PLCXD1: variants seen among roughly 807,000 people sequenced by gnomAD.
PLCXD1 encodes phosphatidylinositol specific phospholipase C X domain containing 1.
Under a neutral mutation model 37.8 loss-of-function variants are expected in PLCXD1, and 45 were observed. That is an observed-to-expected ratio of 1.19 (90% CI 0.94 to 1.53). The LOEUF (loss-of-function observed/expected upper bound fraction) is 1.53, where lower values mean the gene tolerates loss of function less well. PLCXD1 is among the 40% of genes most tolerant of loss of function. PLCXD1 has a pLI of 0.00. For synonymous variants in PLCXD1, 246 were observed against 206.9 expected (o/e 1.19, Z -1.62); for missense variants, 539 against 454.7 (o/e 1.19, Z -1.69).
At chrX:288,972 T>C (rs2069544046) in intron 3 of PLCXD1, 103 bp downstream of exon 3, 2 of 1,156,024 alleles carry the variant, frequency 1.7e-6, no homozygotes, top group South Asian at 2.6e-5. Flanking sequence ...GTTTGAGTGG[T>C]GCCCTGTGGG....
chrX:287,189 ATG>A (rs2069471919), intron 2 of PLCXD1, among the ~76,000 whole-genome samples: 1 of 150,066 alleles, frequency 6.7e-6, no homozygotes, highest in African/African-American at 2.4e-5. Context: ...ACACATTTAT[ATG>A]TAAGTGTACA....
intron 6 of PLCXD1, among the ~76,000 whole-genome samples, chrX:293,903 G>A (rs2069718179): frequency 1.3e-5 from 2 of 152,170 alleles, no homozygotes; most frequent in African/African-American, 4.8e-5. Flanking sequence ...CATGGAAACA[G>A]GGTCTCTCCT....
chrX:279,431 G>C (rs2069216030), upstream of PLCXD1, among the ~76,000 whole-genome samples: 1 of 152,176 alleles, frequency 6.6e-6, no homozygotes, highest in African/African-American at 2.4e-5. Context: ...CGGGCTTCCA[G>C]GTCATAAGGT....
chrX:291,671 T>TA lies in PLCXD1; in HGVS notation c.549+18dup. On this transcript the variant is annotated intron_variant, in intron 5 of 6. Transcript: ENST00000381657. ...CCTCGTGGGGTGAGGAGGGGAAGGA[T>TA]ATCCGCACGTCTCTCCCGGGGCAGG... 6.2e-7 allele frequency: 1 copy of TA among 1,611,368 alleles called. No individual in the cohort carries two copies. Among genetic ancestry groups the TA allele is most frequent in the Non-Finnish European group, 8.5e-7 (1 of 1,179,068 alleles).
In PLCXD1 at chrX:290,224, G is replaced by A. The variant is rs1025960404; in HGVS notation, c.265-424G>A. Among the ~76,000 whole-genome samples the A allele has an allele frequency of 7.2e-5, 11 of 152,138 alleles. 1 individual carries two copies. Among genetic ancestry groups the A allele is most frequent in the South Asian group, 4.2e-4 (2 of 4,814 alleles). On this transcript the variant is annotated intron_variant, in intron 3 of 6. Coordinates refer to ENST00000381657, the MANE Select transcript of PLCXD1 (RefSeq NM_018390.4). ...GGGTGGATCACGAGGTCAGGAGATC[G>A]AGACCGTCCTGGCTAACATGTTGAA... is the stretch of plus-strand genomic sequence containing the variant.
intron 2 of PLCXD1, among the ~76,000 whole-genome samples, chrX:285,353 CAT>C (rs1356891317): frequency 6.6e-6 from 1 of 150,634 alleles, no homozygotes; most frequent in African/African-American, 2.5e-5. Context: ...CACGTGTACA[CAT>C]GTACACACAT....
rs1239199209 is a variant in PLCXD1 at position 300,364 on chromosome X, ATATATATGTGTGTG to A, written c.*1043_*1056del. The A allele has an allele frequency of 2.0e-5, 3 of 151,860 alleles. No individual in the cohort carries two copies. The highest frequency in any genetic ancestry group is 2.1e-4 in the South Asian group (1 of 4,822). The allele number at this position is 151,860 out of a possible 1,614,324, so 9.4% of individuals were successfully genotyped here. The stretch of plus-strand genomic sequence containing the variant: ...GCTAGTTCTCACACCAAGCCTATAG[ATATATATGTGTGTG>A]TATATATGTGTGTTTATGTGTCTGT... On this transcript the variant is annotated 3_prime_UTR_variant, in exon 7 of 7. Coordinates refer to ENST00000381657, the MANE Select transcript of PLCXD1 (RefSeq NM_018390.4).
At chrX:296,674 A>G (rs1303532641) in intron 6 of PLCXD1, among the ~76,000 whole-genome samples, 1 of 152,188 alleles carries the variant, frequency 6.6e-6, no homozygotes, top group African/African-American at 2.4e-5. Context: ...CCCTCTCTAT[A>G]AGCCTCATAA....
At chrX:287,818 C>A (rs1346706087) in intron 2 of PLCXD1, among the ~76,000 whole-genome samples, 1 of 151,380 alleles carries the variant, frequency 6.6e-6, no homozygotes, top group Non-Finnish European at 1.5e-5. Flanking sequence ...GCAGGAAATG[C>A]AAACGTCAGC....
At chrX:281,839 G>T (rs2069284710) in intron 1 of PLCXD1, among the ~76,000 whole-genome samples, 155 bp downstream of exon 1, 1 of 152,044 alleles carries the variant, frequency 6.6e-6, no homozygotes, top group African/African-American at 2.4e-5. Context: ...GCTCACTACA[G>T]CCCCCGCCTC....
chrX:295,533 T>C (rs1443816570), intron 6 of PLCXD1, among the ~76,000 whole-genome samples: 3 of 151,870 alleles, frequency 2.0e-5, no homozygotes, highest in African/African-American at 7.3e-5. Flanking sequence ...ATGTCTTTTT[T>C]TTTTTTTTGA....
intron 2 of PLCXD1, among the ~76,000 whole-genome samples, chrX:288,187 T>C (rs1395526467): frequency 2.6e-5 from 4 of 152,028 alleles, no homozygotes; most frequent in African/African-American, 9.7e-5. Context: ...TTTGAGAGCA[T>C]GTGTAAAGAC....
intron 5 of PLCXD1, 147 bp from the exon 6 acceptor site, chrX:292,888 C>T (rs183913402): frequency 2.9e-4 from 158 of 551,458 alleles, no homozygotes; most frequent in African/African-American, 2.7e-3. Flanking sequence ...GCTGGGATTA[C>T]AGGCGTCAGC....
At chrX:294,439 G>A (rs899563964) in intron 6 of PLCXD1, among the ~76,000 whole-genome samples, 12 of 150,706 alleles carry the variant, frequency 8.0e-5, no homozygotes, top group South Asian at 2.1e-4. Context: ...CCGAGATCAC[G>A]CCACTGAACT....
chrX:297,629 T>G (rs1443751790), intron 6 of PLCXD1, among the ~76,000 whole-genome samples: 3 of 47,608 alleles, frequency 6.3e-5, no homozygotes, highest in Non-Finnish European at 1.2e-4. Flanking sequence ...ACATGGGGAT[T>G]AGGACGTGGA....
upstream of PLCXD1, among the ~76,000 whole-genome samples, chrX:278,062 C>G (rs181331374): frequency 8.7e-6 from 1 of 115,036 alleles, no homozygotes; most frequent in Non-Finnish European, 1.7e-5. Flanking sequence ...GGACACCCCT[C>G]AGTGGTCAGG....
intron 2 of PLCXD1, among the ~76,000 whole-genome samples, chrX:287,719 GAT>G (rs956874710): frequency 1.7e-4 from 24 of 143,624 alleles, no homozygotes; most frequent in Admixed American, 4.3e-4. Flanking sequence ...TTTATATATA[GAT>G]ATATGTCATA....
chrX:291,431 C>A, intron 4 of PLCXD1, 68 bp from the exon 5 acceptor site: 1 of 1,564,520 alleles, frequency 6.4e-7, no homozygotes, highest in South Asian at 1.1e-5. Flanking sequence ...CAGGCGTGAG[C>A]CGCCACACCC....
At chrX:283,108 G>C (rs2069328675) in intron 1 of PLCXD1, 1 of 148,962 alleles carries the variant, frequency 6.7e-6, no homozygotes, top group African/African-American at 2.5e-5. Context: ...ACGGACACAC[G>C]TGGAGTGGTT....
Sources: allele counts gnomAD v4.1 joint callset (sites outside exome capture counted in the v4.1 genomes callset), GRCh38; gene constraint gnomAD v4.1.1; transcripts MANE v1.5; gene names NCBI Gene and HGNC (gene_info 2026-07-23, HGNC 2026-07-21).